Variants in EHD1 observed in about 807,000 individuals in gnomAD.
EHD1 encodes EH domain-containing protein 1.
Under a neutral mutation model 39.0 loss-of-function variants are expected in EHD1, and 19 were observed. The observed-to-expected ratio is 0.49, with a 90% CI of 0.34 to 0.72. The LOEUF (loss-of-function observed/expected upper bound fraction) is 0.72, where lower values mean the gene tolerates loss of function less well. EHD1 is among the 30% of genes least tolerant of loss of function. EHD1 has a pLI of 0.01. For missense variants in EHD1, 542 were observed against 751.5 expected, an observed-to-expected ratio of 0.72 and a Z score of 3.26; for synonymous variants, 323 against 331.2, an observed-to-expected ratio of 0.98 and a Z score of 0.27.
intron 2 of EHD1, among the ~76,000 whole-genome samples, chr11:64,861,019 CA>C (rs34278325): frequency 1.4e-3 from 155 of 112,366 alleles, no homozygotes; most frequent in African/African-American, 4.3e-3. Context: ...GACTCCATCT[CA>C]AAAAAAAAAA....
chr11:64,873,038 A>G lies in EHD1; in HGVS notation c.502+1383T>C, dbSNP rs560475104. ...CTGTAGACTCCACTCCTCACCTGCC[A>G]GGTACCAGCCTACCCTCAAGCTCCT... On this transcript the variant is annotated intron_variant, in intron 2 of 4. Coordinates refer to ENST00000320631, the MANE Select transcript of EHD1 (RefSeq NM_006795.4). Among the ~76,000 whole-genome samples the G allele has an allele frequency of 9.2e-5, 14 of 152,310 alleles. No homozygotes were observed. In the South Asian group the frequency reaches 2.9e-3, roughly 32 times the overall value.
intron 1 of EHD1, chr11:64,875,783 CTGCAGGGCGAGCAA>C (rs1943878917): frequency 6.6e-6 from 1 of 152,240 alleles, no homozygotes; most frequent in Non-Finnish European, 1.5e-5. Context: ...ACCAGCTGAC[CTGCAGGGCGAGCAA>C]AACGTGGGCC....
At chr11:64,875,132 C>T (rs1427768242) in intron 1 of EHD1, among the ~76,000 whole-genome samples, 3 of 152,202 alleles carry the variant, frequency 2.0e-5, no homozygotes, top group East Asian at 3.8e-4. Context: ...TGGCGACTTG[C>T]GGGCCAGGGC....
At chr11:64,872,865 C>T (rs1013098369) in intron 2 of EHD1, among the ~76,000 whole-genome samples, 28 of 152,372 alleles carry the variant, frequency 1.8e-4, no homozygotes, top group African/African-American at 4.1e-4. Context: ...ATCCTAGCTG[C>T]CGGCTTTGAC....
In EHD1 at chr11:64,868,298, C is replaced by G. The variant is rs919668356; in HGVS notation, c.502+6123G>C. ...TCCTGGGCTTGCTCAGGCTGAAGCTCCTCCGGAAGGGTTTTCCAGTGGAGC... is the reference window on the plus strand; with the variant it reads ...TCCTGGGCTTGCTCAGGCTGAAGCTGCTCCGGAAGGGTTTTCCAGTGGAGC... On this transcript the variant is annotated intron_variant, in intron 2 of 4. Coordinates refer to ENST00000320631, the MANE Select transcript of EHD1 (RefSeq NM_006795.4). The surrounding 1 kb of genome is among the most constrained non-coding windows in gnomAD (Gnocchi z 4.2). 6.6e-6 allele frequency among the ~76,000 whole-genome samples: 1 copy of G among 152,178 alleles called. No individual in the cohort carries two copies. Among genetic ancestry groups the G allele is most frequent in the Non-Finnish European group, 1.5e-5 (1 of 68,034 alleles).
chr11:64,874,612 C>G, intron 1 of EHD1, 94 bp from the exon 2 acceptor site: 1 of 969,178 alleles, frequency 1.0e-6, no homozygotes, highest in Non-Finnish European at 1.4e-6. Flanking sequence ...TTCGCTCCAT[C>G]TCTGGCTTCC....
rs1278484025 is a variant in EHD1 at position 64,854,334 on chromosome 11, C to T, written c.1604G>A (p.Ter535=). The change falls in exon 5 of 5, where the codon TGA becomes TAA. Residue 535 remains the stop codon, a stop_retained_variant. Transcript: ENST00000320631. ...TGGCAGGTGCGGGGCCGGGCGCCAT[C>T]ACTCATGTCTGCGCTTGGAGGGCGG... ...LVPPSKRRHE[*] 1.1e-5 allele frequency: 17 copies of T among 1,602,718 alleles called. No individual in the cohort carries two copies. Among genetic ancestry groups the T allele is most frequent in the African/African-American group, 1.3e-5 (1 of 74,796 alleles).
chr11:64,879,684 C>T, upstream of EHD1: 3 of 1,548,418 alleles, frequency 1.9e-6, no homozygotes, highest in Non-Finnish European at 2.6e-6. Context: ...CTTTGGCTGT[C>T]CAGGCTGGTG....
chr11:64,877,119 C>G (rs1184227125), intron 1 of EHD1, among the ~76,000 whole-genome samples: 1 of 152,128 alleles, frequency 6.6e-6, no homozygotes, highest in Non-Finnish European at 1.5e-5. Flanking sequence ...CGTGGGGTGG[C>G]AGGGAGGACA....
In EHD1 at chr11:64,853,103, G is replaced by C. The variant is rs1943599966; in HGVS notation, c.*1230C>G. Reference sequence around the variant, plus strand: ...CAGGCAGAGGAGGGGGAGGCGGCCTGAACTGGCCCGGGCCACTGGGCCGCA... The same window carrying C: ...CAGGCAGAGGAGGGGGAGGCGGCCTCAACTGGCCCGGGCCACTGGGCCGCA... On this transcript the variant is annotated 3_prime_UTR_variant, in exon 5 of 5. Coordinates refer to ENST00000320631, the MANE Select transcript of EHD1 (RefSeq NM_006795.4). 1 of 152,238 alleles carries C rather than the reference G, an allele frequency of 6.6e-6. No individual in the cohort carries two copies. Among genetic ancestry groups the C allele is most frequent in the South Asian group, 2.1e-4 (1 of 4,830 alleles). 9.4% of individuals were successfully genotyped at this position (152,238 alleles called of 1,614,324 possible).
intron 2 of EHD1, among the ~76,000 whole-genome samples, chr11:64,863,085 CA>C (rs1943732285): frequency 6.6e-6 from 1 of 152,204 alleles, no homozygotes; most frequent in African/African-American, 2.4e-5. Flanking sequence ...AGTCTTCCCA[CA>C]GGTCCCAGGC....
chr11:64,861,860 G>A (rs1348567773), intron 2 of EHD1, among the ~76,000 whole-genome samples: 1 of 152,080 alleles, frequency 6.6e-6, no homozygotes, highest in Non-Finnish European at 1.5e-5. Flanking sequence ...CAAAGTGGTT[G>A]GACTGGACAG....
chr11:64,878,785 C>G (rs1012560607), upstream of EHD1: 10 of 1,232,748 alleles, frequency 8.1e-6, no homozygotes, highest in African/African-American at 1.4e-4. Context: ...CCCCCATTGG[C>G]TGATTCCAAA....
intron 1 of EHD1, among the ~76,000 whole-genome samples, chr11:64,876,733 ACTGGT>A (rs1943889087): frequency 6.6e-6 from 1 of 152,144 alleles, no homozygotes; most frequent in South Asian, 2.1e-4. Context: ...AATTCAGAAA[ACTGGT>A]CCTGTGCCAT....
rs758063360 is a variant in EHD1, at chr11:64,873,680, CT to C, written c.502+740del. 5.9e-3 allele frequency among the ~76,000 whole-genome samples: 847 copies of C among 144,292 alleles called. 9 individuals are homozygous for C. The highest frequency in any genetic ancestry group is 0.018 in the African/African-American group (701 of 39,648). The allele number at this position is 144,292 out of a possible 152,430, so 94.7% of individuals were successfully genotyped here. A position where few individuals can be genotyped will look rare whatever the true frequency, so the allele number is the denominator to read the frequency against. On this transcript the variant is annotated intron_variant, in intron 2 of 4. Coordinates refer to ENST00000320631, the MANE Select transcript of EHD1 (RefSeq NM_006795.4). ...TGTAAAATGGGTTCTTACTCGGACA[CT>C]TTTTTTTTTTTTTCTGAGACGGAGT...
chr11:64,866,736 G>C (rs566247329), intron 2 of EHD1, among the ~76,000 whole-genome samples: 1 of 151,898 alleles, frequency 6.6e-6, no homozygotes, highest in African/African-American at 2.4e-5. Context: ...TATTACCTGG[G>C]TGATGAAATA....
At chr11:64,865,634 A>G (rs1197317109) in intron 2 of EHD1, among the ~76,000 whole-genome samples, 3 of 152,218 alleles carry the variant, frequency 2.0e-5, no homozygotes, top group Non-Finnish European at 4.4e-5. Context: ...AAGGGATCAT[A>G]AGCCACCAGG....
In EHD1 at chr11:64,874,549, G is replaced by A. The variant is rs540539365; in HGVS notation, c.405-31C>T. Reference sequence around the variant, plus strand: ...TGAGAGCAAGAGCCAGAAGAGAGGCGTCAAGACACAGTCATCACTGCTCCG... The same window carrying A: ...TGAGAGCAAGAGCCAGAAGAGAGGCATCAAGACACAGTCATCACTGCTCCG... On this transcript the variant is annotated intron_variant, in intron 1 of 4. Coordinates refer to ENST00000320631, the MANE Select transcript of EHD1 (RefSeq NM_006795.4). 26 of 1,549,594 alleles carry A rather than the reference G, an allele frequency of 1.7e-5. 1 individual carries two copies. Among genetic ancestry groups the A allele is most frequent in the South Asian group, 1.7e-4 (14 of 83,488 alleles).
intron 2 of EHD1, among the ~76,000 whole-genome samples, chr11:64,866,864 T>C (rs1459128154): frequency 6.6e-6 from 1 of 151,998 alleles, no homozygotes; most frequent in Non-Finnish European, 1.5e-5. Context: ...TACGGCACTG[T>C]AGGATTCCAC....
Sources: allele counts gnomAD v4.1 joint callset (sites outside exome capture counted in the v4.1 genomes callset), GRCh38; gene constraint gnomAD v4.1.1; non-coding constraint Gnocchi (gnomAD v3.1); transcripts MANE v1.5; gene names NCBI Gene and HGNC (gene_info 2026-07-23, HGNC 2026-07-21).